The following MME variants were observed in gnomAD, a reference collection of about 807,000 sequenced individuals.
MME encodes neprilysin.
MME carries 98 observed loss-of-function variants against 113.2 expected under a neutral mutation model. The observed-to-expected ratio is 0.87, with a 90% confidence interval of 0.74 to 1.02. The LOEUF (loss-of-function observed/expected upper bound fraction) is 1.02, where lower values mean the gene tolerates loss of function less well. Ranked by LOEUF, MME falls within the 50% of genes least tolerant of loss-of-function variation. MME has a pLI of 0.00. For synonymous variants in MME, 292 were observed against 300.6 expected (o/e 0.97, Z 0.30); for missense variants, 836 against 896.0 (o/e 0.93, Z 0.86).
chr3:155,141,754 C>T (rs1288351954), intron 10 of MME, among the ~76,000 whole-genome samples: 2 of 152,042 alleles, frequency 1.3e-5, no homozygotes, highest in Non-Finnish European at 2.9e-5. Flanking sequence ...AGCCTAATTT[C>T]TAGGTATATG....
At chr3:155,063,352 ATAT>A (rs1177646307) in intron 1 of MME, among the ~76,000 whole-genome samples, 1 of 107,212 alleles carries the variant, frequency 9.3e-6, no homozygotes, top group Non-Finnish European at 1.6e-5. Flanking sequence ...TATATAATGT[ATAT>A]TATATTTATA....
At chr3:155,073,206 C>T (rs1021606036) in intron 1 of MME, among the ~76,000 whole-genome samples, 3 of 151,674 alleles carry the variant, frequency 2.0e-5, no homozygotes, top group Non-Finnish European at 4.4e-5. Flanking sequence ...AACCAGTCAG[C>T]TAAATCCAAT....
intron 1 of MME, among the ~76,000 whole-genome samples, chr3:155,049,338 A>G (rs1291353507): frequency 1.3e-5 from 2 of 152,162 alleles, no homozygotes; most frequent in African/African-American, 4.8e-5. Context: ...TAGAGAACAA[A>G]GCCATGTAAA....
intron 1 of MME, among the ~76,000 whole-genome samples, chr3:155,047,008 AACTT>A (rs1219338231): frequency 6.6e-6 from 1 of 152,202 alleles, no homozygotes; most frequent in Non-Finnish European, 1.5e-5. Flanking sequence ...TGAAGAAAGA[AACTT>A]GTTTTATATA....
intron 1 of MME, among the ~76,000 whole-genome samples, chr3:155,074,414 G>A (rs558962453): frequency 6.6e-6 from 1 of 151,870 alleles, no homozygotes; most frequent in Non-Finnish European, 1.5e-5. Flanking sequence ...ATTTATGTGT[G>A]TGTGTGTGTT....
At chr3:155,043,397 T>A (rs185218751) in intron 1 of MME, among the ~76,000 whole-genome samples, 9 of 151,868 alleles carry the variant, frequency 5.9e-5, no homozygotes, top group Non-Finnish European at 5.9e-5. Context: ...AATGGTGCGA[T>A]CTTGGCTCAC....
At position 155,148,578 on chromosome 3, in the gene MME, A is replaced by G. The variant is rs750081545; in HGVS notation, c.1526A>G (p.Glu509Gly). ...AACTACAAAGAAGATGAATACTTCG[A>G]GAACATAATTCAAAATTTGAAATTC... ...ELNYKEDEYFENIIQNLKFSQ... is the reference protein window; with the variant it reads ...ELNYKEDEYFGNIIQNLKFSQ... Residue 509 changes from glutamate to glycine, a missense_variant, in exon 16 of 23, where the codon GAG becomes GGG. Transcript: ENST00000360490. 3.1e-6 allele frequency: 5 copies of G among 1,611,222 alleles called. No homozygotes were observed. In the Admixed American group the frequency reaches 5.0e-5, roughly 16 times the overall value.
rs1559958825 is a variant in MME, at chr3:155,161,007, CA to C, written c.1660+565del. Among the ~76,000 whole-genome samples, 6 of 151,666 alleles carry C rather than the reference CA, an allele frequency of 4.0e-5. No homozygotes were observed. In the South Asian group the frequency reaches 1.2e-3, roughly 32 times the overall value. On this transcript the variant is annotated intron_variant, in intron 17 of 22. Coordinates refer to ENST00000360490, the MANE Select transcript of MME (RefSeq NM_007289.4). ...TTGTATTTACCTAGCCACAATTGAT[CA>C]AAAAAGAAAAAATTTCGTAAGTTCG...
chr3:155,115,725 C>A (rs2108253125), intron 4 of MME, among the ~76,000 whole-genome samples: 1 of 152,202 alleles, frequency 6.6e-6, no homozygotes, highest in South Asian at 2.1e-4. Context: ...TATGCCCAGC[C>A]AAGATGGTAG....
intron 8 of MME, 47 bp downstream of exon 8, chr3:155,118,858 T>C (rs200244766): frequency 4.2e-6 from 5 of 1,189,188 alleles, no homozygotes; most frequent in Non-Finnish European, 6.2e-6. Flanking sequence ...AATGATCTGG[T>C]GTAAACCTAC....
At chr3:155,158,509 T>C (rs1395479139) in intron 16 of MME, 1 of 152,122 alleles carries the variant, frequency 6.6e-6, no homozygotes, top group African/African-American at 2.4e-5. Flanking sequence ...ATTTTGACTT[T>C]CTTGCCAGAC....
chr3:155,124,980 A>G (rs1487587686), intron 8 of MME, among the ~76,000 whole-genome samples: 3 of 152,074 alleles, frequency 2.0e-5, no homozygotes, highest in East Asian at 3.9e-4. Context: ...TTGTTTACCT[A>G]AGCAAGCCTG....
intron 1 of MME, among the ~76,000 whole-genome samples, chr3:155,026,639 G>A (rs1041130466): frequency 3.3e-5 from 5 of 152,054 alleles, no homozygotes; most frequent in East Asian, 1.9e-4. Context: ...CATAAGAATC[G>A]CTTGAACCCC....
intron 8 of MME, among the ~76,000 whole-genome samples, chr3:155,134,396 T>C (rs1024496389): frequency 1.3e-5 from 2 of 152,134 alleles, no homozygotes; most frequent in South Asian, 4.1e-4. Context: ...TGGTATTTGG[T>C]TTTCTCTTCC....
intron 1 of MME, among the ~76,000 whole-genome samples, chr3:155,047,869 A>C (rs1203213364): frequency 6.6e-6 from 1 of 152,136 alleles, no homozygotes; most frequent in Non-Finnish European, 1.5e-5. Flanking sequence ...TGTAGGTGGT[A>C]ATTTGAATTT....
chr3:155,026,792 G>A (rs1231396343), intron 1 of MME, among the ~76,000 whole-genome samples: 1 of 152,000 alleles, frequency 6.6e-6, no homozygotes. Context: ...CCCTCATCCA[G>A]CTATCCTAGT....
chr3:155,025,426 A>T (rs1712746987), intron 1 of MME, among the ~76,000 whole-genome samples: 1 of 151,910 alleles, frequency 6.6e-6, no homozygotes, highest in Non-Finnish European at 1.5e-5. Context: ...GGAATTCGAG[A>T]CCAGCCTGGT....
intron 22 of MME, among the ~76,000 whole-genome samples, chr3:155,175,518 A>T (rs554720484): frequency 6.6e-6 from 1 of 151,996 alleles, no homozygotes; most frequent in Admixed American, 6.6e-5. Context: ...TATAATATTT[A>T]TATGTAATCT....
chr3:155,119,115 C>A (rs1197610686), intron 8 of MME, among the ~76,000 whole-genome samples: 1 of 152,136 alleles, frequency 6.6e-6, no homozygotes, highest in Admixed American at 6.5e-5. Context: ...CACCTGTAAA[C>A]TGCATTATTT....
Sources: allele counts gnomAD v4.1 joint callset (sites outside exome capture counted in the v4.1 genomes callset), GRCh38; gene constraint gnomAD v4.1.1; transcripts MANE v1.5; gene names NCBI Gene and HGNC (gene_info 2026-07-23, HGNC 2026-07-21).